The following ABLIM3 variants were observed in gnomAD, a reference collection of about 807,000 sequenced individuals.
The protein encoded by ABLIM3 is actin-binding LIM protein 3.
A neutral mutation model predicts 109.5 loss-of-function variants in ABLIM3; 61 were observed. The ratio of observed to expected loss-of-function variants is 0.56; its 90% confidence interval spans 0.45 to 0.69. The LOEUF (loss-of-function observed/expected upper bound fraction) is 0.69. ABLIM3 is among the 30% of genes least tolerant of loss of function. The probability of loss-of-function intolerance (pLI) is 0.00; values close to 1 mark genes in which losing one functional copy is unlikely to be tolerated. For synonymous variants in ABLIM3, 300 were observed against 324.8 expected (o/e 0.92, Z 0.82); for missense variants, 796 against 889.5 (o/e 0.89, Z 1.34).
At chr5:149,218,739 T>C (rs1366597892) in intron 8 of ABLIM3, 2 of 152,270 alleles carry the variant, frequency 1.3e-5, no homozygotes, top group Non-Finnish European at 2.9e-5. Context: ...ACATGCTTCA[T>C]AGGCACCCAG....
At chr5:149,233,712 G>C (rs1762090138) in intron 10 of ABLIM3, among the ~76,000 whole-genome samples, 1 of 152,176 alleles carries the variant, frequency 6.6e-6, no homozygotes, top group Admixed American at 6.5e-5. Context: ...ATAGTGGTGG[G>C]TGATAAAGAG....
rs546325986 is a variant in ABLIM3 at position 149,212,884 on chromosome 5, G to A, written c.669+2065G>A. ...TCACACCTGTAATCCCAGCACTTTGGGATGCCAACACAGGGTGATCACTTG... is the reference window on the plus strand; with the variant it reads ...TCACACCTGTAATCCCAGCACTTTGAGATGCCAACACAGGGTGATCACTTG... On this transcript the variant is annotated intron_variant, in intron 7 of 23. Transcript: ENST00000309868. Among the ~76,000 whole-genome samples the A allele has an allele frequency of 3.3e-5, 5 of 152,250 alleles. No individual in the cohort carries two copies. In the East Asian group the frequency reaches 9.7e-4, roughly 29 times the overall value.
At chr5:149,200,094 C>T (rs976967974) in intron 4 of ABLIM3, among the ~76,000 whole-genome samples, 2 of 152,358 alleles carry the variant, frequency 1.3e-5, no homozygotes, top group African/African-American at 4.8e-5. Flanking sequence ...GCATCATGAT[C>T]TGCCCAAAAT....
At chr5:149,249,026 A>T (rs1753686484) in intron 18 of ABLIM3, among the ~76,000 whole-genome samples, 1 of 152,214 alleles carries the variant, frequency 6.6e-6, no homozygotes. Flanking sequence ...AGGCATTTGT[A>T]GGAATGTTAC....
Position 149,198,189 on chromosome 5 carries a change from C to A in ABLIM3, c.152-30C>A, listed in dbSNP as rs974220651. ...CTTACAGACCCTCCCTGGACTCAAC[C>A]TGCCCTTGTTTTCCTCCTTGTTCCC... On this transcript the variant is annotated intron_variant, in intron 3 of 23. Coordinates refer to ENST00000309868, the MANE Select transcript of ABLIM3 (RefSeq NM_014945.5). This position sits in a 1 kb window ranked among gnomAD's most constrained non-coding sequence, Gnocchi z 4.2. 2.5e-6 allele frequency: 4 copies of A among 1,595,052 alleles called. No individual in the cohort carries two copies. The Admixed American group carries it at 6.9e-5, about 27-fold the overall frequency.
At chr5:149,156,656 A>G (rs1431616740) in intron 2 of ABLIM3, among the ~76,000 whole-genome samples, 1 of 152,204 alleles carries the variant, frequency 6.6e-6, no homozygotes, top group Non-Finnish European at 1.5e-5. Flanking sequence ...TTTTGCCTGT[A>G]TTATCTCTTT....
intron 2 of ABLIM3, among the ~76,000 whole-genome samples, chr5:149,145,524 G>A (rs1752828696): frequency 6.6e-6 from 1 of 152,158 alleles, no homozygotes; most frequent in Non-Finnish European, 1.5e-5. Flanking sequence ...GGGATTGCTA[G>A]GTCAAATGGT....
chr5:149,224,487 A>C (rs1760978958), intron 8 of ABLIM3, among the ~76,000 whole-genome samples: 1 of 152,186 alleles, frequency 6.6e-6, no homozygotes, highest in African/African-American at 2.4e-5. Context: ...CCCTGGGCAC[A>C]AGCCCAACCT....
chr5:149,208,003 C>G (rs1422700747), intron 6 of ABLIM3, among the ~76,000 whole-genome samples: 1 of 152,274 alleles, frequency 6.6e-6, no homozygotes, highest in African/African-American at 2.4e-5. Context: ...GTGCCACTCT[C>G]TGGCCTGATG....
Position 149,198,289 on chromosome 5 carries a change from C to A in ABLIM3, c.222C>A (p.Tyr74Ter). ...AGGAGTACATCTGCACCCAGGACTACCAGCAACTCTATGGCACCCGCTGTG... is the reference window on the plus strand; with the variant it reads ...AGGAGTACATCTGCACCCAGGACTAACAGCAACTCTATGGCACCCGCTGTG... ...KNQEYICTQD[Y>*]QQLYGTRCDS... The change falls in exon 4 of 24, where the codon TAC (tyrosine) becomes TAA (stop). Residue 74 changes from tyrosine (Y) to a stop codon, truncating the protein, a stop_gained. Transcript: ENST00000309868. LOFTEE classifies it high-confidence loss of function. The surrounding 1 kb of genome is among the most constrained non-coding windows in gnomAD (Gnocchi z 4.2). 1 of 1,614,226 alleles carries A rather than the reference C, an allele frequency of 6.2e-7. No homozygotes were observed. The highest frequency in any genetic ancestry group is 8.5e-7 in the Non-Finnish European group (1 of 1,180,036).
In ABLIM3 at chr5:149,258,790, C is replaced by G; in HGVS notation, c.*386C>G. ...AGGGCTGATGCTGACCATGTGGTTT[C>G]CACACCTTATTGGCCCCAGAGGGGC... On this transcript the variant is annotated 3_prime_UTR_variant, in exon 24 of 24. Coordinates refer to ENST00000309868, the MANE Select transcript of ABLIM3 (RefSeq NM_014945.5). 1 of 994,128 alleles carries G rather than the reference C, an allele frequency of 1.0e-6. No individual in the cohort carries two copies. Among genetic ancestry groups the G allele is most frequent in the Non-Finnish European group, 1.2e-6 (1 of 835,900 alleles). The allele number at this position is 994,128 out of a possible 1,614,324, so 61.6% of individuals were successfully genotyped here.
At chr5:149,151,277 C>G (rs975864712) in intron 2 of ABLIM3, among the ~76,000 whole-genome samples, 1 of 152,152 alleles carries the variant, frequency 6.6e-6, no homozygotes, top group Non-Finnish European at 1.5e-5. Flanking sequence ...CAGGGACACC[C>G]GTCACATTGG....
chr5:149,142,331 C>T (rs1752542247), intron 2 of ABLIM3, among the ~76,000 whole-genome samples: 2 of 152,198 alleles, frequency 1.3e-5, no homozygotes, highest in South Asian at 2.1e-4. Context: ...CGGCGCCGGC[C>T]GCCTCTCCTG....
chr5:149,151,872 T>C (rs1432878428), intron 2 of ABLIM3, among the ~76,000 whole-genome samples: 5 of 152,228 alleles, frequency 3.3e-5, no homozygotes. Context: ...ATCAGGTATT[T>C]ACTGGACACC....
At chr5:149,183,990 G>C (rs1756720006) in intron 3 of ABLIM3, among the ~76,000 whole-genome samples, 1 of 143,050 alleles carries the variant, frequency 7.0e-6, no homozygotes, top group Admixed American at 7.0e-5. Flanking sequence ...TTTTTGAGAT[G>C]AGTAGCTATT....
At chr5:149,202,927 AC>A (rs1758620446) in intron 5 of ABLIM3, among the ~76,000 whole-genome samples, 2 of 151,940 alleles carry the variant, frequency 1.3e-5, no homozygotes, top group African/African-American at 4.8e-5. Context: ...CACTGCACAG[AC>A]CTCAGTGAGA....
chr5:149,169,479 G>C (rs2127458300), intron 2 of ABLIM3, among the ~76,000 whole-genome samples: 2 of 152,190 alleles, frequency 1.3e-5, no homozygotes, highest in East Asian at 3.9e-4. Flanking sequence ...CATTAGTCAG[G>C]AGTATTTCAC....
rs1753827819 is a variant in ABLIM3 at position 149,250,590 on chromosome 5, C to A, written c.1788+85C>A. The A allele has an allele frequency of 2.1e-5, 32 of 1,505,628 alleles. No individual in the cohort carries two copies. In the South Asian group the frequency reaches 2.9e-4, roughly 14 times the overall value. The allele number at this position is 1,505,628 out of a possible 1,614,324, so 93.3% of individuals were successfully genotyped here. On this transcript the variant is annotated intron_variant, in intron 20 of 23. Transcript: ENST00000309868. ...ACATTAGCTTATTGTAAGGTGAAAC[C>A]TGAGCAAAGGTCCTGGGGCTAGTGG...
In ABLIM3 at chr5:149,252,216, A is replaced by G. The variant is rs771499953; in HGVS notation, c.1857+8A>G. 3 of 1,613,404 alleles carry G rather than the reference A, an allele frequency of 1.9e-6. No individual in the cohort carries two copies. The African/African-American group carries it at 4.0e-5, about 22-fold the overall frequency. ...CTCTCTGCAGAGTACAAGGTAAAGGATGTGCATAGACCCTGGGGGTCTCCA... is the reference window on the plus strand; with the variant it reads ...CTCTCTGCAGAGTACAAGGTAAAGGGTGTGCATAGACCCTGGGGGTCTCCA... On this transcript the variant is annotated splice_region_variant and intron_variant, in intron 22 of 23. Coordinates refer to ENST00000309868, the MANE Select transcript of ABLIM3 (RefSeq NM_014945.5).
Sources: allele counts gnomAD v4.1 joint callset (sites outside exome capture counted in the v4.1 genomes callset), GRCh38; gene constraint gnomAD v4.1.1; non-coding constraint Gnocchi (gnomAD v3.1); transcripts MANE v1.5; gene names NCBI Gene and HGNC (gene_info 2026-07-23, HGNC 2026-07-21).